Variants in NUP107 observed in about 807,000 individuals in gnomAD.
NUP107 encodes nucleoporin 107.
NUP107 carries 101 observed loss-of-function variants against 141.0 expected under a neutral mutation model. The observed-to-expected ratio is 0.72, with a 90% CI of 0.61 to 0.84. The LOEUF is 0.84. Among genes scored for constraint, NUP107 ranks in the 40% least tolerant of loss-of-function variants. NUP107 has a pLI of 0.00. For missense variants in NUP107, 941 were observed against 1,102.7 expected (o/e 0.85, Z 2.08); for synonymous variants, 319 against 363.9 (o/e 0.88, Z 1.41).
chr12:68,695,003 T>A (rs754720481), intron 5 of NUP107, among the ~76,000 whole-genome samples: 21 of 152,186 alleles, frequency 1.4e-4, no homozygotes, highest in Non-Finnish European at 2.6e-4. Context: ...ATGTCACTAA[T>A]CATTAGGAAA....
chr12:68,709,362 G>T, intron 9 of NUP107, 53 bp downstream of exon 9: 1 of 1,019,830 alleles, frequency 9.8e-7, no homozygotes, highest in South Asian at 1.4e-5. Flanking sequence ...AAAGGTTAAT[G>T]ACATGCAAAG....
intron 5 of NUP107, among the ~76,000 whole-genome samples, chr12:68,692,749 ATTT>A (rs35628849): frequency 3.0e-5 from 4 of 135,374 alleles, no homozygotes; most frequent in Non-Finnish European, 1.6e-5. Context: ...TGCCTAGCTA[ATTT>A]TTTTTTTTTT....
In NUP107 at chr12:68,715,641, C is replaced by T; in HGVS notation, c.984C>T (p.Pro328=). 6.2e-7 allele frequency: 1 copy of T among 1,608,902 alleles called. No homozygotes were observed. Among genetic ancestry groups the T allele is most frequent in the Non-Finnish European group, 8.5e-7 (1 of 1,175,424 alleles). Reference sequence around the variant, plus strand: ...TCTTCTTACAGGACCCTGATGCTCCCATAAGACAGAAAATGCCCCTTGATG... The same window carrying T: ...TCTTCTTACAGGACCCTGATGCTCCTATAAGACAGAAAATGCCCCTTGATG... ...PLVTELDPDA[P]IRQKMPLDDL... Residue 328 remains proline, a synonymous_variant, in exon 12 of 28, where the codon CCC becomes CCT. Coordinates refer to ENST00000229179, the MANE Select transcript of NUP107 (RefSeq NM_020401.4).
Position 68,734,698 on chromosome 12 carries a change from C to T in NUP107, c.2263-10C>T. ...ATTTTATATTTTGGTTTTTTTATTT[C>T]ACATTTTAGGAAGCCCATGAAACCT... On this transcript the variant is annotated splice_polypyrimidine_tract_variant and intron_variant, in intron 24 of 27. Coordinates refer to ENST00000229179, the MANE Select transcript of NUP107 (RefSeq NM_020401.4). The T allele has an allele frequency of 1.3e-6, 2 of 1,504,388 alleles. No homozygotes were observed. The highest frequency in any genetic ancestry group is 1.4e-5 in the South Asian group (1 of 73,778). 93.2% of individuals were successfully genotyped at this position (1,504,388 alleles called of 1,614,324 possible).
intron 2 of NUP107, 131 bp from the exon 3 acceptor site, chr12:68,689,402 G>A: frequency 3.3e-6 from 2 of 601,600 alleles, no homozygotes; most frequent in Non-Finnish European, 5.8e-6. Context: ...CCTTTGCATT[G>A]AAAAATGGTA....
chr12:68,724,308 T>C (rs1374789125), intron 17 of NUP107, among the ~76,000 whole-genome samples: 3 of 152,122 alleles, frequency 2.0e-5, no homozygotes, highest in Non-Finnish European at 4.4e-5. Flanking sequence ...AGAATCTTAC[T>C]GAAGGACATA....
chr12:68,693,087 T>A (rs1371861134), intron 5 of NUP107, among the ~76,000 whole-genome samples: 3 of 148,694 alleles, frequency 2.0e-5, no homozygotes, highest in Non-Finnish European at 4.5e-5. Context: ...ATTTATTTAT[T>A]TTTTTTTTTA....
Position 68,721,975 on chromosome 12 carries a change from TC to T in NUP107, c.1447del (p.Leu483TrpfsTer7). 6.2e-7 allele frequency: 1 copy of T among 1,613,534 alleles called. No homozygotes were observed. The highest frequency in any genetic ancestry group is 8.5e-7 in the Non-Finnish European group (1 of 1,179,812). ...DETEELPREY[L>X]GANWTLEKVF... is the part of the protein sequence containing the mutation. ...AAACTGAAGAACTCCCTAGAGAATA[TC>T]TGGGAGCAAAGTGAGTTTGTTGGAT... On this transcript the variant is annotated frameshift_variant, in exon 16 of 28. Transcript: ENST00000229179. LOFTEE classifies it high-confidence loss of function.
At position 68,727,374 on chromosome 12, in the gene NUP107, A is replaced by G. The variant is rs1877608986; in HGVS notation, c.1719A>G (p.Leu573=). ...AGGAGGAAGTTTCTATTGAAGTTTTAAAGACATACATACAGGTAAACTTTG... is the reference window on the plus strand; with the variant it reads ...AGGAGGAAGTTTCTATTGAAGTTTTGAAGACATACATACAGGTAAACTTTG... The part of the protein sequence containing the change: ...QTKEEVSIEV[L]KTYIQLLIRE... Residue 573 remains leucine, a synonymous_variant, in exon 20 of 28, where the codon TTA becomes TTG. Coordinates refer to ENST00000229179, the MANE Select transcript of NUP107 (RefSeq NM_020401.4). The G allele has an allele frequency of 6.6e-7, 1 of 1,511,636 alleles. No individual in the cohort carries two copies. Among genetic ancestry groups the G allele is most frequent in the Non-Finnish European group, 9.1e-7 (1 of 1,097,250 alleles). 93.6% of individuals were successfully genotyped at this position (1,511,636 alleles called of 1,614,324 possible).
intron 5 of NUP107, among the ~76,000 whole-genome samples, chr12:68,693,926 A>G (rs1020799224): frequency 7.9e-5 from 12 of 151,856 alleles, no homozygotes; most frequent in Non-Finnish European, 1.3e-4. Flanking sequence ...ATTTTTTTTC[A>G]GATAGTGTTA....
rs1005402063 is a variant in NUP107, at chr12:68,744,082, A to G, written c.*1620A>G. The stretch of plus-strand genomic sequence containing the variant: ...AAACTTTGTACAACCCAGGGTGACT[A>G]TTTCCAAAGACTGTTACCTATTTGT... On this transcript the variant is annotated 3_prime_UTR_variant, in exon 28 of 28. Coordinates refer to ENST00000229179, the MANE Select transcript of NUP107 (RefSeq NM_020401.4). The G allele has an allele frequency of 3.3e-5, 5 of 152,222 alleles. No individual in the cohort carries two copies. Among genetic ancestry groups the G allele is most frequent in the African/African-American group, 4.8e-5 (2 of 41,462 alleles). The allele number at this position is 152,222 out of a possible 1,614,324, so 9.4% of individuals were successfully genotyped here. A position where few individuals can be genotyped will look rare whatever the true frequency, so the allele number is the denominator to read the frequency against.
chr12:68,725,843 T>TG, intron 18 of NUP107, 47 bp downstream of exon 18: 3 of 1,065,854 alleles, frequency 2.8e-6, no homozygotes, highest in Non-Finnish European at 4.1e-6. Context: ...GTGTGTTTTT[T>TG]TTTTTTTTTT....
chr12:68,692,171 C>T, intron 5 of NUP107, 59 bp downstream of exon 5: 1 of 1,402,750 alleles, frequency 7.1e-7, no homozygotes, highest in Non-Finnish European at 9.5e-7. Flanking sequence ...ATGAAGGAAA[C>T]CATTTCTTCC....
intron 15 of NUP107, 47 bp from the exon 16 acceptor site, chr12:68,721,794 T>A: frequency 6.4e-7 from 1 of 1,574,318 alleles, no homozygotes; most frequent in Non-Finnish European, 8.6e-7. Flanking sequence ...TTCCTTTCTT[T>A]TCTGTTGAAT....
intron 20 of NUP107, among the ~76,000 whole-genome samples, chr12:68,730,394 T>A (rs1877771989): frequency 1.3e-5 from 2 of 151,978 alleles, no homozygotes; most frequent in South Asian, 4.2e-4. Flanking sequence ...AATTTTTGTA[T>A]TTTTAGTAGA....
At chr12:68,719,703 T>A (rs1368161130) in intron 14 of NUP107, 49 bp downstream of exon 14, 1 of 1,306,068 alleles carries the variant, frequency 7.7e-7, no homozygotes, top group Non-Finnish European at 1.1e-6. Flanking sequence ...TCCAATTAAT[T>A]GAAAGCCTAT....
chr12:68,710,715 A>G (rs1270018232), intron 10 of NUP107, among the ~76,000 whole-genome samples: 5 of 151,958 alleles, frequency 3.3e-5, no homozygotes, highest in Non-Finnish European at 7.4e-5. Context: ...AACAAGATAA[A>G]AAAAGTAATA....
intron 12 of NUP107, 46 bp downstream of exon 12, chr12:68,715,786 C>G (rs946165380): frequency 8.3e-7 from 1 of 1,206,084 alleles, no homozygotes; most frequent in African/African-American, 1.5e-5. Flanking sequence ...AAGTCATAGA[C>G]TCTTTGAGTT....
intron 26 of NUP107, among the ~76,000 whole-genome samples, chr12:68,735,649 C>T (rs937951007): frequency 1.3e-5 from 2 of 152,078 alleles, no homozygotes; most frequent in African/African-American, 2.4e-5. Flanking sequence ...AAAGATAACT[C>T]GAGTAGTATC....
Sources: gnomAD v4.1 joint callset for allele counts (sites outside exome capture counted in the v4.1 genomes callset) on GRCh38, gnomAD v4.1.1 for gene constraint, MANE v1.5 for transcripts, NCBI Gene and HGNC (gene_info 2026-07-23, HGNC 2026-07-21) for gene names.